Variants in RAB43 observed in about 807,000 individuals in gnomAD.
RAB43 encodes RAB43, member RAS oncogene family.
Under a neutral mutation model 18.8 loss-of-function variants are expected in RAB43, and 6 were observed. That is an observed-to-expected ratio of 0.32 (90% CI 0.17 to 0.63). The LOEUF is 0.63. Among genes scored for constraint, RAB43 ranks in the 30% least tolerant of loss-of-function variants. RAB43 has a pLI of 0.79. For synonymous variants in RAB43, 103 were observed against 124.1 expected, an observed-to-expected ratio of 0.83 and a Z score of 1.13; for missense variants, 195 against 289.1, an observed-to-expected ratio of 0.67 and a Z score of 2.36.
chr3:129,092,950 T>C (rs1460243257), intron 2 of RAB43, among the ~76,000 whole-genome samples: 2 of 150,938 alleles, frequency 1.3e-5, no homozygotes, highest in Non-Finnish European at 3.0e-5. Context: ...GGTGAGACTC[T>C]GTCTCAAAAA....
chr3:129,092,254 A>G (rs1212870102), intron 2 of RAB43, among the ~76,000 whole-genome samples: 2 of 152,186 alleles, frequency 1.3e-5, no homozygotes, highest in African/African-American at 4.8e-5. Flanking sequence ...TATTAAGGAA[A>G]TGTCAGTATT....
rs1410080659 is a variant in RAB43 at position 129,089,971 on chromosome 3, CCCTGG to C, written c.*1120_*1124del. Reference sequence around the variant, plus strand: ...GATCACCTGGCCCCTCCAGCCCTAGCCCTGGCTCTTTTGTCACTGTGATACCTCTG... The same window carrying C: ...GATCACCTGGCCCCTCCAGCCCTAGCCTCTTTTGTCACTGTGATACCTCTG... On this transcript the variant is annotated 3_prime_UTR_variant, in exon 3 of 3. Transcript: ENST00000315150. The C allele has an allele frequency of 2.0e-5, 3 of 150,676 alleles. No individual in the cohort carries two copies. Among genetic ancestry groups the C allele is most frequent in the Admixed American group, 6.6e-5 (1 of 15,044 alleles). 9.3% of individuals were successfully genotyped at this position (150,676 alleles called of 1,614,324 possible).
At chr3:129,103,552 A>C (rs1371439019) in intron 1 of RAB43, among the ~76,000 whole-genome samples, 1 of 146,062 alleles carries the variant, frequency 6.8e-6, no homozygotes, top group African/African-American at 2.5e-5. Context: ...TGGCCTCCTC[A>C]TTCATTCCCA....
At chr3:129,119,366 G>A (rs1004277430) in intron 1 of RAB43, among the ~76,000 whole-genome samples, 1 of 152,172 alleles carries the variant, frequency 6.6e-6, no homozygotes, top group Admixed American at 6.6e-5. Context: ...AATTGCCAGA[G>A]GCTTCCCCAC....
intron 2 of RAB43, chr3:129,092,455 G>A: frequency 5.8e-6 from 4 of 684,980 alleles, no homozygotes; most frequent in Non-Finnish European, 1.1e-5. Context: ...ATGGGTACCT[G>A]GGGGCTCATT....
chr3:129,110,983 T>C (rs1935130776), intron 1 of RAB43, among the ~76,000 whole-genome samples: 1 of 152,006 alleles, frequency 6.6e-6, no homozygotes, highest in African/African-American at 2.4e-5. Flanking sequence ...AATATCAATC[T>C]GTTGATGTAT....
At chr3:129,115,554 T>A (rs1014650260) in intron 1 of RAB43, among the ~76,000 whole-genome samples, 15 of 151,962 alleles carry the variant, frequency 9.9e-5, no homozygotes, top group African/African-American at 3.1e-4. Flanking sequence ...GCGCGGTGGC[T>A]CACACCTGTA....
At chr3:129,096,546 G>A (rs906059770) in intron 1 of RAB43, among the ~76,000 whole-genome samples, 1 of 152,176 alleles carries the variant, frequency 6.6e-6, no homozygotes, top group Non-Finnish European at 1.5e-5. Context: ...TAACACGAAA[G>A]ACACCGGCCA....
intron 1 of RAB43, among the ~76,000 whole-genome samples, chr3:129,112,884 G>A (rs889838680): frequency 6.6e-6 from 1 of 151,474 alleles, no homozygotes; most frequent in Non-Finnish European, 1.5e-5. Context: ...CTCAGTAGCT[G>A]GGACTACAGA....
At chr3:129,118,192 G>GA (rs1935672267) in intron 1 of RAB43, among the ~76,000 whole-genome samples, 1 of 152,192 alleles carries the variant, frequency 6.6e-6, no homozygotes, top group African/African-American at 2.4e-5. Context: ...AAGGGCTAGT[G>GA]AAGCTGGAGA....
At chr3:129,113,137 G>C (rs1418271806) in intron 1 of RAB43, among the ~76,000 whole-genome samples, 3 of 151,008 alleles carry the variant, frequency 2.0e-5, no homozygotes, top group Non-Finnish European at 4.4e-5. Flanking sequence ...ATACACGTTT[G>C]AGTTTTAGGT....
At chr3:129,110,261 C>T (rs1379650131) in intron 1 of RAB43, among the ~76,000 whole-genome samples, 4 of 152,068 alleles carry the variant, frequency 2.6e-5, no homozygotes, top group Admixed American at 1.3e-4. Context: ...TAGAAGGCAA[C>T]GTGGAAGAGA....
chr3:129,095,204 C>A lies in RAB43; in HGVS notation c.205-35G>T. ...TAAGGTTCCTCAGTGAACCCAGTGG[C>A]ACAGGCTGAACATGGGGACAGGCAG... On this transcript the variant is annotated intron_variant, in intron 1 of 2. Coordinates refer to ENST00000315150, the MANE Select transcript of RAB43 (RefSeq NM_198490.3). The surrounding 1 kb of genome is among the most constrained non-coding windows in gnomAD (Gnocchi z 4.2). The A allele has an allele frequency of 6.3e-7, 1 of 1,599,968 alleles. No homozygotes were observed.
intron 1 of RAB43, among the ~76,000 whole-genome samples, chr3:129,098,567 A>G (rs1317893021): frequency 2.6e-5 from 4 of 152,188 alleles, no homozygotes; most frequent in African/African-American, 9.7e-5. Context: ...AAAGCAATCT[A>G]TTGACACTGA....
chr3:129,117,270 G>C (rs375954097), intron 1 of RAB43, among the ~76,000 whole-genome samples: 2 of 152,280 alleles, frequency 1.3e-5, no homozygotes, highest in Admixed American at 6.5e-5. Flanking sequence ...CCCTAAGAAA[G>C]AGGCAGAGCA....
chr3:129,105,243 A>G (rs550348439), intron 1 of RAB43, among the ~76,000 whole-genome samples: 1 of 152,342 alleles, frequency 6.6e-6, no homozygotes, highest in African/African-American at 2.4e-5. Context: ...ACCTCAGGCC[A>G]GCAGTTCAAG....
chr3:129,115,093 T>C (rs1422255945), intron 1 of RAB43, among the ~76,000 whole-genome samples: 3 of 151,984 alleles, frequency 2.0e-5, no homozygotes, highest in Non-Finnish European at 2.9e-5. Context: ...GTAAGACAGA[T>C]TTGAAGAGGT....
chr3:129,121,421 C>G lies in RAB43; in HGVS notation c.69G>C (p.Leu23=), dbSNP rs759422531. ...EQYDFLFKLV[L]VGDASVGKTC... The stretch of plus-strand genomic sequence containing the variant: ...TCTTGCCCACGCTTGCGTCGCCCAC[C>G]AGCACCAGCTTGAACAGGAAATCGT... The change falls in exon 1 of 3, where the codon CTG becomes CTC. Residue 23 remains leucine (L), a synonymous_variant. Coordinates refer to ENST00000315150, the MANE Select transcript of RAB43 (RefSeq NM_198490.3). 3.1e-6 allele frequency: 5 copies of G among 1,613,314 alleles called. No individual in the cohort carries two copies. The highest frequency in any genetic ancestry group is 4.2e-6 in the Non-Finnish European group (5 of 1,179,678).
chr3:129,110,145 GTTC>G (rs1287004113), intron 1 of RAB43, among the ~76,000 whole-genome samples: 1 of 152,006 alleles, frequency 6.6e-6, no homozygotes, highest in Non-Finnish European at 1.5e-5. Flanking sequence ...GATTATGGTG[GTTC>G]TTGTCTTCTT....
Sources: allele counts gnomAD v4.1 joint callset (sites outside exome capture counted in the v4.1 genomes callset), GRCh38; gene constraint gnomAD v4.1.1; non-coding constraint Gnocchi (gnomAD v3.1); transcripts MANE v1.5; gene names NCBI Gene and HGNC (gene_info 2026-07-23, HGNC 2026-07-21).